The following S100Z variants were observed in gnomAD, a reference collection of about 807,000 sequenced individuals.
S100Z encodes the protein protein S100-Z.
S100Z carries 11 observed loss-of-function variants against 8.5 expected under a neutral mutation model. That is an observed-to-expected ratio of 1.30 (90% CI 0.82 to 2.15). The LOEUF is 2.15. Among genes scored for constraint, S100Z ranks in the 30% most tolerant of loss-of-function variants. The pLI is 0.00. For synonymous variants in S100Z, 34 were observed against 43.8 expected (o/e 0.78, Z 0.89); for missense variants, 126 against 117.9 (o/e 1.07, Z -0.32).
the S100Z span, among the ~76,000 whole-genome samples, chr5:76,950,833 T>G: frequency 6.6e-6 from 1 of 152,206 alleles, no homozygotes; most frequent in Non-Finnish European, 1.5e-5. Context: ...TTATCCTTAG[T>G]CTTCACACAT....
chr5:76,888,566 C>A (rs1010965867), intron 4 of S100Z, among the ~76,000 whole-genome samples: 1 of 151,470 alleles, frequency 6.6e-6, no homozygotes, highest in Non-Finnish European at 1.5e-5. Context: ...TTGGTAGAGA[C>A]GAGGTTTCAC....
chr5:76,896,900 A>G (rs948110330), intron 4 of S100Z, among the ~76,000 whole-genome samples: 1 of 151,844 alleles, frequency 6.6e-6, no homozygotes, highest in Non-Finnish European at 1.5e-5. Context: ...TTTTTTTCCT[A>G]TAGTTATTTG....
intron 4 of S100Z, among the ~76,000 whole-genome samples, chr5:76,910,819 T>TG (rs772469390): frequency 2.6e-5 from 4 of 152,218 alleles, no homozygotes; most frequent in Non-Finnish European, 4.4e-5. Context: ...TCTCCTGTCT[T>TG]GGATGACTGT....
the S100Z span, among the ~76,000 whole-genome samples, chr5:76,941,994 G>A: frequency 6.6e-6 from 1 of 151,906 alleles, no homozygotes; most frequent in Non-Finnish European, 1.5e-5. Flanking sequence ...TGGCCATCGA[G>A]AGCACTTTCA....
intron 1 of S100Z, among the ~76,000 whole-genome samples, chr5:76,857,548 G>A (rs1406939175): frequency 6.9e-6 from 1 of 145,436 alleles, no homozygotes; most frequent in Non-Finnish European, 1.5e-5. Context: ...CACCCAGACT[G>A]GGGTGCAGTG....
chr5:76,923,519 A>T (rs946610682), downstream of S100Z, among the ~76,000 whole-genome samples: 1 of 152,020 alleles, frequency 6.6e-6, no homozygotes, highest in Non-Finnish European at 1.5e-5. Flanking sequence ...TGCCACCCCA[A>T]TGGGGGAGGG....
At chr5:76,935,846 G>A in the S100Z span, among the ~76,000 whole-genome samples, 6 of 151,038 alleles carry the variant, frequency 4.0e-5, no homozygotes, top group Admixed American at 6.6e-5. Flanking sequence ...GCATGATCTC[G>A]GCTCACTGCC....
chr5:76,906,833 G>C (rs1387100343), intron 4 of S100Z, among the ~76,000 whole-genome samples: 1 of 151,286 alleles, frequency 6.6e-6, no homozygotes, highest in Non-Finnish European at 1.5e-5. Context: ...GGGTATCACT[G>C]TGTTGGCCAG....
chr5:76,879,933 A>G (rs1743335706), intron 4 of S100Z, among the ~76,000 whole-genome samples: 2 of 152,194 alleles, frequency 1.3e-5, no homozygotes, highest in African/African-American at 4.8e-5. Context: ...AGACCCCCAG[A>G]CAGGCTTTGT....
chr5:76,946,405 C>A, the S100Z span, among the ~76,000 whole-genome samples: 19 of 152,100 alleles, frequency 1.2e-4, no homozygotes, highest in Non-Finnish European at 2.1e-4. Context: ...TTTCTTCAAT[C>A]TTCTCAATTT....
chr5:76,889,804 G>T (rs894326911), intron 4 of S100Z, among the ~76,000 whole-genome samples: 2 of 152,230 alleles, frequency 1.3e-5, no homozygotes, highest in Non-Finnish European at 2.9e-5. Flanking sequence ...GGGGGCACTG[G>T]CCTTTGCATT....
At chr5:76,864,177 A>T (rs1316820515) in intron 1 of S100Z, among the ~76,000 whole-genome samples, 1 of 152,148 alleles carries the variant, frequency 6.6e-6, no homozygotes, top group African/African-American at 2.4e-5. Flanking sequence ...CAATGGTCCC[A>T]TAAGATTATA....
At chr5:76,892,144 T>C (rs1293055496) in intron 4 of S100Z, among the ~76,000 whole-genome samples, 1 of 152,144 alleles carries the variant, frequency 6.6e-6, no homozygotes, top group Non-Finnish European at 1.5e-5. Flanking sequence ...CCAGAACACA[T>C]GAAGTGCTCA....
the S100Z span, among the ~76,000 whole-genome samples, chr5:76,946,600 T>C: frequency 6.6e-6 from 1 of 152,292 alleles, no homozygotes; most frequent in South Asian, 2.1e-4. Flanking sequence ...TAATATGAAG[T>C]CATTCCTTCT....
chr5:76,900,323 T>C (rs1219159023), intron 4 of S100Z, among the ~76,000 whole-genome samples: 1 of 152,246 alleles, frequency 6.6e-6, no homozygotes, highest in African/African-American at 2.4e-5. Context: ...ATAAACTTTC[T>C]ACCCCTATGT....
rs531205242 is a variant in S100Z at position 76,904,945 on chromosome 5, A to G, written c.*3-15772A>G. Among the ~76,000 whole-genome samples the G allele has an allele frequency of 2.0e-5, 3 of 152,314 alleles. No homozygotes were observed. In the East Asian group the frequency reaches 5.8e-4, roughly 29 times the overall value. On this transcript the variant is annotated intron_variant, in intron 4 of 4. Coordinates refer to ENST00000317593, the MANE Select transcript of S100Z (RefSeq NM_130772.4). ...TTTTCTTTTGTGGATTAGGCTTTTG[A>G]TGTATCAGGAAATATTTGCCTAATC...
chr5:76,922,980 G>A (rs1745074670), downstream of S100Z, among the ~76,000 whole-genome samples: 1 of 149,946 alleles, frequency 6.7e-6, no homozygotes, highest in Non-Finnish European at 1.5e-5. Context: ...AAGACAAAGG[G>A]GAAGTTTTCC....
At chr5:76,894,552 C>T (rs1443943075) in intron 4 of S100Z, among the ~76,000 whole-genome samples, 2 of 152,024 alleles carry the variant, frequency 1.3e-5, no homozygotes, top group Non-Finnish European at 2.9e-5. Flanking sequence ...TGGAAACCCA[C>T]CAAGGTGTTT....
chr5:76,914,388 G>GCACTCTGTAAAAACGGACCAATCAA (rs1744782798), intron 4 of S100Z, among the ~76,000 whole-genome samples: 1 of 147,906 alleles, frequency 6.8e-6, no homozygotes, highest in South Asian at 2.1e-4. Context: ...ACACCAATCA[G>GCACTCTGTAAAAACGGACCAATCAA]CACTCTGTAA....
Sources: allele counts gnomAD v4.1 joint callset (sites outside exome capture counted in the v4.1 genomes callset), GRCh38; gene constraint gnomAD v4.1.1; transcripts MANE v1.5; gene names NCBI Gene and HGNC (gene_info 2026-07-23, HGNC 2026-07-21).